TCL1B: variants seen among roughly 807,000 people sequenced by gnomAD.
TCL1B encodes the protein T-cell leukemia/lymphoma protein 1B.
A neutral mutation model predicts 16.9 loss-of-function variants in TCL1B; 14 were observed. The observed-to-expected ratio is 0.83, with a 90% CI of 0.55 to 1.30. The LOEUF (loss-of-function observed/expected upper bound fraction) is 1.30, where lower values mean the gene tolerates loss of function less well. Ranked by LOEUF, TCL1B falls within the 50% of genes most tolerant of loss-of-function variation. The pLI, the probability that TCL1B is intolerant of heterozygous loss-of-function variation, is 0.00. For synonymous variants in TCL1B, 79 were observed against 66.6 expected (o/e 1.19, Z -0.91); for missense variants, 166 against 165.2 (o/e 1.00, Z -0.03).
chr14:95,690,782 C>A lies in TCL1B; in HGVS notation c.209C>A (p.Thr70Asn). ...TVHLWQMAVH[T>N]RELLSSGQMP... ...CACTTGTGGCAGATGGCAGTGCATA[C>A]CCGGGAGCTACTCTCCTCCGGCCAG... The change falls in exon 2 of 4, where the codon ACC becomes AAC. Residue 70 changes from threonine (T) to asparagine (N), a missense_variant. Transcript: ENST00000340722. The A allele has an allele frequency of 6.2e-7, 1 of 1,614,210 alleles. No individual in the cohort carries two copies. The highest frequency in any genetic ancestry group is 1.1e-5 in the South Asian group (1 of 91,086).
chr14:95,688,666 C>G (rs1885812308), intron 1 of TCL1B, among the ~76,000 whole-genome samples: 1 of 152,164 alleles, frequency 6.6e-6, no homozygotes, highest in Non-Finnish European at 1.5e-5. Context: ...GGTGGCAGCC[C>G]CAGTGTCCAT....
rs1352533069 is a variant in TCL1B at position 95,692,142 on chromosome 14, A to C, written c.*227A>C. The C allele has an allele frequency of 6.6e-6, 1 of 152,662 alleles. No individual in the cohort carries two copies. Among genetic ancestry groups the C allele is most frequent in the East Asian group, 1.9e-4 (1 of 5,198 alleles). 9.5% of individuals were successfully genotyped at this position (152,662 alleles called of 1,614,324 possible). ...TCTGTACTTAGGGCAGCTGGCCTGGATGGGCTTCACTGGGGCCCTGTCTGT... is the reference window on the plus strand; with the variant it reads ...TCTGTACTTAGGGCAGCTGGCCTGGCTGGGCTTCACTGGGGCCCTGTCTGT... On this transcript the variant is annotated 3_prime_UTR_variant, in exon 4 of 4. Transcript: ENST00000340722.
At position 95,686,603 on chromosome 14, in the gene TCL1B, T is replaced by TGGGCCA. The variant is rs773915334; in HGVS notation, c.142_147dup (p.Arg48_Ala49dup). 28 of 1,612,028 alleles carry TGGGCCA rather than the reference T, an allele frequency of 1.7e-5. No individual in the cohort carries two copies. Among genetic ancestry groups the TGGGCCA allele is most frequent in the Non-Finnish European group, 2.3e-5 (27 of 1,178,940 alleles). Reference sequence around the variant, plus strand: ...GCGGTTCAATCCCTCGCGTAGGGAATGGGCCAGGGCCTCCCAGGGCAGCAG... The same window carrying TGGGCCA: ...GCGGTTCAATCCCTCGCGTAGGGAATGGGCCAGGGCCAGGGCCTCCCAGGGCAGCAG... On this transcript the variant is annotated inframe_insertion, in exon 1 of 4. Transcript: ENST00000340722.
chr14:95,686,991 G>A (rs1466146173), intron 1 of TCL1B, among the ~76,000 whole-genome samples: 1 of 152,236 alleles, frequency 6.6e-6, no homozygotes, highest in East Asian at 1.9e-4. Context: ...TAGAAAGGAG[G>A]CAGGAGTAGT....
chr14:95,686,480 G>A lies in TCL1B; in HGVS notation c.13G>A (p.Ala5Thr), dbSNP rs1271095471. 2.5e-6 allele frequency: 4 copies of A among 1,600,356 alleles called. No homozygotes were observed. The highest frequency in any genetic ancestry group is 3.4e-6 in the Non-Finnish European group (4 of 1,173,482). Residue 5 changes from alanine to threonine, a missense_variant, in exon 1 of 4, where the codon GCT becomes ACT. Coordinates refer to ENST00000340722, the MANE Select transcript of TCL1B (RefSeq NM_004918.4). MASE[A>T]SVRLGVPPGR... is the part of the protein sequence containing the mutation. Reference sequence around the variant, plus strand: ...TTGCAGACTTGCCATGGCCTCCGAAGCTTCTGTGCGTCTAGGGGTGCCCCC... The same window carrying A: ...TTGCAGACTTGCCATGGCCTCCGAAACTTCTGTGCGTCTAGGGGTGCCCCC...
intron 1 of TCL1B, among the ~76,000 whole-genome samples, chr14:95,689,961 ATCTT>A (rs1445031937): frequency 6.6e-6 from 1 of 152,170 alleles, no homozygotes; most frequent in African/African-American, 2.4e-5. Context: ...TTTTCCTATC[ATCTT>A]TCTAACTTCC....
chr14:95,686,594 C>T lies in TCL1B; in HGVS notation c.127C>T (p.Arg43Cys). 1 of 1,612,984 alleles carries T rather than the reference C, an allele frequency of 6.2e-7. No individual in the cohort carries two copies. Among genetic ancestry groups the T allele is most frequent in the Non-Finnish European group, 8.5e-7 (1 of 1,179,462 alleles). The change falls in exon 1 of 4, where the codon CGT becomes TGT. Residue 43 changes from arginine to cysteine, a missense_variant. Transcript: ENST00000340722. Reference sequence around the variant, plus strand: ...TGTGGTCGTGCGGTTCAATCCCTCGCGTAGGGAATGGGCCAGGGCCTCCCA... The same window carrying T: ...TGTGGTCGTGCGGTTCAATCCCTCGTGTAGGGAATGGGCCAGGGCCTCCCA... ...VTVVVRFNPSRREWARASQGS... is the reference protein window; with the variant it reads ...VTVVVRFNPSCREWARASQGS...
At chr14:95,688,781 C>T (rs766919461) in intron 1 of TCL1B, among the ~76,000 whole-genome samples, 3 of 152,184 alleles carry the variant, frequency 2.0e-5, no homozygotes, top group Non-Finnish European at 4.4e-5. Context: ...ATATGCCAGT[C>T]ACGGAAGGAC....
intron 2 of TCL1B, 139 bp downstream of exon 2, chr14:95,691,045 C>CT: frequency 8.5e-7 from 1 of 1,178,890 alleles, no homozygotes; most frequent in Admixed American, 2.4e-5. Flanking sequence ...TCAAGGAGGC[C>CT]TGAGTGTGTG....
At position 95,690,862 on chromosome 14, in the gene TCL1B, C is replaced by G; in HGVS notation, c.289C>G (p.Arg97Gly). ...VWQLYPGRKY[R>G]AADSSFWEIA... ...GCAGCTCTACCCCGGGAGGAAGTAC[C>G]GAGCAGCGGATTCCAGTTTCTGGGA... The change falls in exon 2 of 4, where the codon CGA becomes GGA. Residue 97 changes from arginine to glycine, a missense_variant. Arg to Gly is a moderately radical substitution (Grantham distance 125, BLOSUM62 -2). Coordinates refer to ENST00000340722, the MANE Select transcript of TCL1B (RefSeq NM_004918.4). The G allele has an allele frequency of 6.2e-7, 1 of 1,614,158 alleles. No homozygotes were observed. Among genetic ancestry groups the G allele is most frequent in the Non-Finnish European group, 8.5e-7 (1 of 1,180,018 alleles).
chr14:95,686,782 A>G (rs1018500513), intron 1 of TCL1B, among the ~76,000 whole-genome samples, 153 bp downstream of exon 1: 2 of 152,208 alleles, frequency 1.3e-5, no homozygotes, highest in Non-Finnish European at 2.9e-5. Context: ...GTCCATGCCC[A>G]GCCCTGGCCC....
chr14:95,687,925 C>T (rs1398580174), intron 1 of TCL1B, among the ~76,000 whole-genome samples: 1 of 118,048 alleles, frequency 8.5e-6, no homozygotes, highest in Non-Finnish European at 1.6e-5. Flanking sequence ...GCACTCCAGC[C>T]TGGGTGACAG....
chr14:95,687,955 A>AAAT lies in TCL1B; in HGVS notation c.162+1328_162+1329insTAA. On this transcript the variant is annotated intron_variant, in intron 1 of 3. Coordinates refer to ENST00000340722, the MANE Select transcript of TCL1B (RefSeq NM_004918.4). ...TGACAGAGTGAGACTCCGTCCCAAA[A>AAAT]AAAAAAAAAAAAAATGCCGTTTAGG... is the stretch of plus-strand genomic sequence containing the variant. Among the ~76,000 whole-genome samples the AAAT allele has an allele frequency of 4.0e-5, 6 of 151,322 alleles. 1 individual carries two copies. The highest frequency in any genetic ancestry group is 1.5e-4 in the African/African-American group (6 of 41,218).
At position 95,691,268 on chromosome 14, in the gene TCL1B, A is replaced by G; in HGVS notation, c.334A>G (p.Ile112Val). Reference sequence around the variant, plus strand: ...CTGATGGCTGCTCCCTCTCCTGCAGATTGACTCTATGGAGCAGCTGGTCCT... The same window carrying G: ...CTGATGGCTGCTCCCTCTCCTGCAGGTTGACTCTATGGAGCAGCTGGTCCT... ...SFWEIADHGQ[I>V]DSMEQLVLTY... Residue 112 changes from isoleucine (I) to valine (V), a missense_variant and splice_region_variant, in exon 3 of 4, where the codon ATT becomes GTT. Transcript: ENST00000340722. The G allele has an allele frequency of 6.2e-7, 1 of 1,613,570 alleles. No homozygotes were observed. The highest frequency in any genetic ancestry group is 8.5e-7 in the Non-Finnish European group (1 of 1,179,926).
At chr14:95,688,428 AG>A (rs1885807720) in intron 1 of TCL1B, among the ~76,000 whole-genome samples, 1 of 152,236 alleles carries the variant, frequency 6.6e-6, no homozygotes, top group African/African-American at 2.4e-5. Context: ...AAAATTGTGG[AG>A]CAAATATTTT....
At position 95,686,463 on chromosome 14, in the gene TCL1B, T is replaced by C; in HGVS notation, c.-5T>C. ...CTAGAGGCGGGTCCCGGTTGCAGAC[T>C]TGCCATGGCCTCCGAAGCTTCTGTG... On this transcript the variant is annotated 5_prime_UTR_variant, in exon 1 of 4. Transcript: ENST00000340722. 2.5e-6 allele frequency: 4 copies of C among 1,582,530 alleles called. No homozygotes were observed. Among genetic ancestry groups the C allele is most frequent in the South Asian group, 2.4e-5 (2 of 84,176 alleles).
In TCL1B at chr14:95,692,377, G is replaced by C. The variant is rs1453080122; in HGVS notation, c.*462G>C. 1 of 152,330 alleles carries C rather than the reference G, an allele frequency of 6.6e-6. No individual in the cohort carries two copies. The highest frequency in any genetic ancestry group is 1.5e-5 in the Non-Finnish European group (1 of 68,134). The allele number at this position is 152,330 out of a possible 1,614,324, so 9.4% of individuals were successfully genotyped here. A position where few individuals can be genotyped will look rare whatever the true frequency, so the allele number is the denominator to read the frequency against. ...TCGGTTTAAGAGATGGCATTAGAGG[G>C]AGCCCAGTCTGGATGTGGACTTGGA... On this transcript the variant is annotated 3_prime_UTR_variant, in exon 4 of 4. Transcript: ENST00000340722.
chr14:95,690,422 A>T (rs1885854149), intron 1 of TCL1B, among the ~76,000 whole-genome samples: 1 of 152,164 alleles, frequency 6.6e-6, no homozygotes, highest in Admixed American at 6.5e-5. Context: ...TAAAACGAAG[A>T]TTTAAAAAAT....
At chr14:95,688,796 T>A (rs772960987) in intron 1 of TCL1B, among the ~76,000 whole-genome samples, 1 of 152,156 alleles carries the variant, frequency 6.6e-6, no homozygotes, top group Non-Finnish European at 1.5e-5. Context: ...AAGGACAGAT[T>A]CTCTTGTATG....
Sources: allele counts gnomAD v4.1 joint callset (sites outside exome capture counted in the v4.1 genomes callset), GRCh38; gene constraint gnomAD v4.1.1; transcripts MANE v1.5; gene names NCBI Gene and HGNC (gene_info 2026-07-23, HGNC 2026-07-21).